TEX9: variants seen among roughly 807,000 people sequenced by gnomAD.
TEX9 encodes testis expressed 9.
TEX9 carries 74 observed loss-of-function variants against 59.6 expected under a neutral mutation model. The observed-to-expected ratio is 1.24, with a 90% CI of 1.03 to 1.51. The LOEUF is 1.51. Ranked by LOEUF, TEX9 falls within the 40% of genes most tolerant of loss-of-function variation. The pLI is 0.00. For synonymous variants in TEX9, 186 were observed against 152.2 expected (o/e 1.22, Z -1.64); for missense variants, 522 against 447.8 (o/e 1.17, Z -1.49).
chr15:56,320,104 C>T (rs1596086677), intron 1 of TEX9, among the ~76,000 whole-genome samples: 2 of 152,156 alleles, frequency 1.3e-5, no homozygotes, highest in South Asian at 2.1e-4. Flanking sequence ...CCCTCATAGG[C>T]ATTTTTATTG....
intron 1 of TEX9, among the ~76,000 whole-genome samples, chr15:56,277,707 T>A (rs2044706465): frequency 6.6e-6 from 1 of 152,174 alleles, no homozygotes; most frequent in African/African-American, 2.4e-5. Context: ...ATGTATTCAT[T>A]TCATTAGAGA....
chr15:56,435,145 G>T (rs1195629163), intron 12 of TEX9, among the ~76,000 whole-genome samples: 1 of 152,036 alleles, frequency 6.6e-6, no homozygotes, highest in Non-Finnish European at 1.5e-5. Context: ...TGCTAAAGCA[G>T]TTCTGAGAAA....
intron 4 of TEX9, 43 bp from the exon 5 acceptor site, chr15:56,388,429 T>G: frequency 1.4e-6 from 2 of 1,424,218 alleles, no homozygotes; most frequent in Non-Finnish European, 2.0e-6. Context: ...CTCAGCTCAG[T>G]GTCATCTATT....
chr15:56,439,510 G>A (rs2050783526), intron 12 of TEX9, among the ~76,000 whole-genome samples: 1 of 151,900 alleles, frequency 6.6e-6, no homozygotes, highest in Non-Finnish European at 1.5e-5. Flanking sequence ...TATTGGTGGA[G>A]GGATGGATAC....
chr15:56,444,811 A>G, intron 12 of TEX9: 1 of 755,994 alleles, frequency 1.3e-6, no homozygotes, highest in South Asian at 1.9e-5. Flanking sequence ...TTAAAAAGCA[A>G]AAGTAAGTTA....
intron 1 of TEX9, among the ~76,000 whole-genome samples, chr15:56,250,124 G>A (rs1360033725): frequency 6.6e-6 from 1 of 152,158 alleles, no homozygotes; most frequent in Non-Finnish European, 1.5e-5. Flanking sequence ...TAAGTCTGTG[G>A]TAAATTTAAT....
chr15:56,425,334 A>G (rs1280433032), intron 10 of TEX9, among the ~76,000 whole-genome samples: 5 of 151,976 alleles, frequency 3.3e-5, no homozygotes, highest in Non-Finnish European at 5.9e-5. Flanking sequence ...CTCCTTTTCT[A>G]TCTAAGATTA....
At chr15:56,441,737 A>G (rs570951918) in intron 12 of TEX9, among the ~76,000 whole-genome samples, 2 of 152,330 alleles carry the variant, frequency 1.3e-5, no homozygotes, top group Admixed American at 6.5e-5. Context: ...TAGACTGGCC[A>G]GGCACGGTGG....
intron 6 of TEX9, among the ~76,000 whole-genome samples, chr15:56,389,898 A>C (rs2048127395): frequency 1.3e-5 from 2 of 151,964 alleles, no homozygotes. Context: ...TATTATAAGC[A>C]TAAAAAGGGA....
intron 1 of TEX9, among the ~76,000 whole-genome samples, chr15:56,350,413 T>C (rs1172464588): frequency 6.6e-6 from 1 of 152,118 alleles, no homozygotes; most frequent in South Asian, 2.1e-4. Flanking sequence ...GAAACAGCAA[T>C]GGGAAAGGCA....
the TEX9 span, among the ~76,000 whole-genome samples, chr15:56,453,383 G>T: frequency 6.6e-5 from 10 of 151,844 alleles, no homozygotes; most frequent in Admixed American, 6.6e-4. Flanking sequence ...TTCTGTTTTT[G>T]TTTCTCAGAA....
At chr15:56,390,401 C>G (rs1444839506) in intron 6 of TEX9, among the ~76,000 whole-genome samples, 1 of 151,980 alleles carries the variant, frequency 6.6e-6, no homozygotes. Context: ...ACCCCCTTCT[C>G]CATAATGTGC....
chr15:56,276,302 T>G (rs1319625629), intron 1 of TEX9, among the ~76,000 whole-genome samples: 1 of 152,132 alleles, frequency 6.6e-6, no homozygotes, highest in Non-Finnish European at 1.5e-5. Context: ...ATGTATTAGG[T>G]ATTTGTCCTA....
intron 1 of TEX9, among the ~76,000 whole-genome samples, chr15:56,357,894 T>TC (rs1206208669): frequency 6.6e-6 from 1 of 152,154 alleles, no homozygotes; most frequent in Middle Eastern, 3.2e-3. Context: ...TTATTGGAAG[T>TC]CTAAATATTT....
intron 9 of TEX9, among the ~76,000 whole-genome samples, 159 bp from the exon 10 acceptor site, chr15:56,412,143 A>G (rs1466555026): frequency 2.6e-5 from 4 of 151,944 alleles, no homozygotes; most frequent in African/African-American, 4.8e-5. Flanking sequence ...TGAGACCTCT[A>G]ACACTTAGTG....
At chr15:56,420,856 T>C (rs1321424575) in intron 10 of TEX9, among the ~76,000 whole-genome samples, 2 of 151,952 alleles carry the variant, frequency 1.3e-5, no homozygotes, top group African/African-American at 4.9e-5. Flanking sequence ...TTAGGGATTT[T>C]CCCCAGATAC....
chr15:56,456,322 T>G, the TEX9 span: 2 of 1,389,774 alleles, frequency 1.4e-6, no homozygotes, highest in Non-Finnish European at 1.9e-6. Context: ...AATTTCACTT[T>G]CAGGTGCTAA....
At chr15:56,324,581 G>C (rs1226843244) in intron 1 of TEX9, among the ~76,000 whole-genome samples, 4 of 152,188 alleles carry the variant, frequency 2.6e-5, no homozygotes, top group Non-Finnish European at 5.9e-5. Flanking sequence ...TGTGGATTAT[G>C]TAGGAATATT....
chr15:56,419,107 T>G (rs1243470293), intron 10 of TEX9, among the ~76,000 whole-genome samples: 1 of 151,872 alleles, frequency 6.6e-6, no homozygotes, highest in Non-Finnish European at 1.5e-5. Context: ...AGAATACAGG[T>G]TTTACACACT....
Sources: gnomAD v4.1 joint callset for allele counts (sites outside exome capture counted in the v4.1 genomes callset) on GRCh38, gnomAD v4.1.1 for gene constraint, MANE v1.5 for transcripts, NCBI Gene and HGNC (gene_info 2026-07-23, HGNC 2026-07-21) for gene names.